The following ATP6V1C2 variants were observed in gnomAD, a reference collection of about 807,000 sequenced individuals.
ATP6V1C2 encodes the protein ATPase H+ transporting V1 subunit C2.
In ATP6V1C2, 45 loss-of-function variants were observed where a neutral mutation model predicts 56.8. That is an observed-to-expected ratio of 0.79 (90% CI 0.62 to 1.02). The LOEUF is 1.02. Among genes scored for constraint, ATP6V1C2 ranks in the 50% least tolerant of loss-of-function variants. The pLI, the probability that ATP6V1C2 is intolerant of heterozygous loss-of-function variation, is 0.00. For synonymous variants in ATP6V1C2, 220 were observed against 201.3 expected (o/e 1.09, Z -0.79); for missense variants, 463 against 519.7 (o/e 0.89, Z 1.06).
chr2:10,748,905 G>A (rs1663062769), intron 3 of ATP6V1C2, among the ~76,000 whole-genome samples: 1 of 151,940 alleles, frequency 6.6e-6, no homozygotes, highest in African/African-American at 2.4e-5. Context: ...CGAGTGGGTG[G>A]ATTGCCTGAG....
At chr2:10,779,906 G>A (rs192838890) in intron 12 of ATP6V1C2, among the ~76,000 whole-genome samples, 59 of 152,106 alleles carry the variant, frequency 3.9e-4, no homozygotes, top group Admixed American at 9.8e-4. Context: ...AAACGCCTTC[G>A]AAGGCCGCTT....
chr2:10,752,850 G>A (rs944745694), intron 3 of ATP6V1C2, among the ~76,000 whole-genome samples: 2 of 152,050 alleles, frequency 1.3e-5, no homozygotes, highest in African/African-American at 4.8e-5. Context: ...ACAAAAATTA[G>A]CTGGGTGTCG....
chr2:10,769,585 T>G (rs1279930218), intron 6 of ATP6V1C2, among the ~76,000 whole-genome samples: 1 of 152,160 alleles, frequency 6.6e-6, no homozygotes, highest in Non-Finnish European at 1.5e-5. Flanking sequence ...GCATCTGTAC[T>G]TCTAGCTACT....
intron 3 of ATP6V1C2, among the ~76,000 whole-genome samples, chr2:10,733,966 G>A (rs1421894571): frequency 2.0e-5 from 3 of 152,152 alleles, no homozygotes; most frequent in Admixed American, 6.6e-5. Context: ...TTAGTGATAC[G>A]TGTGAGTCAG....
Position 10,783,142 on chromosome 2 carries a change from C to T in ATP6V1C2, c.1195-32C>T, listed in dbSNP as rs7560967. Reference sequence around the variant, plus strand: ...GGATAAGACAGGAAACTAGTTTATGCACTTAGAGCATTACCATGTCTTCTT... The same window carrying T: ...GGATAAGACAGGAAACTAGTTTATGTACTTAGAGCATTACCATGTCTTCTT... On this transcript the variant is annotated intron_variant, in intron 13 of 13. Coordinates refer to ENST00000272238, the MANE Select transcript of ATP6V1C2 (RefSeq NM_001039362.2). 5,424 of 1,530,410 alleles carry T rather than the reference C, an allele frequency of 3.5e-3. 170 individuals carry two copies. The African/African-American group carries it at 0.065, about 18-fold the overall frequency. 94.8% of individuals were successfully genotyped at this position (1,530,410 alleles called of 1,614,324 possible).
chr2:10,755,272 G>A (rs1663485475), intron 4 of ATP6V1C2, among the ~76,000 whole-genome samples: 1 of 150,796 alleles, frequency 6.6e-6, no homozygotes, highest in South Asian at 2.1e-4. Flanking sequence ...CTGACCTCAG[G>A]TGATCCGCCC....
chr2:10,783,243 G>T lies in ATP6V1C2; in HGVS notation c.1264G>T (p.Asp422Tyr). Residue 422 changes from aspartate (D) to tyrosine (Y), a missense_variant, in exon 14 of 14, where the codon GAC (aspartate) becomes TAC (tyrosine). Transcript: ENST00000272238. The stretch of plus-strand genomic sequence containing the variant: ...TTTTCCTTATGTCTACTTCCATATT[G>T]ACCTTAGTCTTCTTGACTAGAAAGG... ...DYFPYVYFHI[D>Y]LSLLD is the part of the protein sequence containing the mutation. 1 of 1,613,414 alleles carries T rather than the reference G, an allele frequency of 6.2e-7. No individual in the cohort carries two copies. The highest frequency in any genetic ancestry group is 1.1e-5 in the South Asian group (1 of 91,016).
intron 3 of ATP6V1C2, among the ~76,000 whole-genome samples, chr2:10,730,324 C>CAGGCT (rs1027919626): frequency 2.6e-5 from 4 of 152,096 alleles, no homozygotes; most frequent in African/African-American, 9.7e-5. Flanking sequence ...CCATGTTGGG[C>CAGGCT]AGGCTGGTCT....
At chr2:10,752,928 G>A (rs565583020) in intron 3 of ATP6V1C2, among the ~76,000 whole-genome samples, 6 of 152,240 alleles carry the variant, frequency 3.9e-5, no homozygotes, top group East Asian at 1.9e-4. Flanking sequence ...CCCGGGAGGC[G>A]GAGGTTGCAG....
chr2:10,732,975 A>AAAAG (rs1553324488), intron 3 of ATP6V1C2, among the ~76,000 whole-genome samples: 2,194 of 152,036 alleles, frequency 0.014, 55 homozygotes, highest in African/African-American at 0.051. Context: ...CTCAAAAAAA[A>AAAAG]AAAAAGAAAA....
At chr2:10,772,712 A>G in intron 8 of ATP6V1C2, 102 bp downstream of exon 8, 1 of 1,006,872 alleles carries the variant, frequency 9.9e-7, no homozygotes, top group Non-Finnish European at 1.6e-6. Context: ...GAGGCTCCCC[A>G]GCTTTCCACA....
At chr2:10,777,204 G>A (rs982107820) in intron 10 of ATP6V1C2, among the ~76,000 whole-genome samples, 2 of 152,206 alleles carry the variant, frequency 1.3e-5, no homozygotes, top group Non-Finnish European at 1.5e-5. Flanking sequence ...TCTGTGGCTG[G>A]GCATGGTGGA....
chr2:10,777,801 C>T (rs972380737), intron 11 of ATP6V1C2, 79 bp downstream of exon 11: 5 of 1,503,198 alleles, frequency 3.3e-6, no homozygotes, highest in African/African-American at 2.8e-5. Context: ...GAAAATGAAT[C>T]CTTGCATTTT....
At chr2:10,732,254 ACTCTTTCT>A (rs1435450486) in intron 3 of ATP6V1C2, among the ~76,000 whole-genome samples, 1 of 137,752 alleles carries the variant, frequency 7.3e-6, no homozygotes, top group South Asian at 2.3e-4. Flanking sequence ...TCTTTCTCTC[ACTCTTTCT>A]CTCTTTCTTT....
chr2:10,732,268 T>C (rs1421624722), intron 3 of ATP6V1C2, among the ~76,000 whole-genome samples: 2 of 152,032 alleles, frequency 1.3e-5, no homozygotes, highest in African/African-American at 2.4e-5. Context: ...TTTCTCTCTT[T>C]CTTTCTTTTT....
At chr2:10,767,631 T>G (rs2148487517) in intron 5 of ATP6V1C2, among the ~76,000 whole-genome samples, 1 of 152,230 alleles carries the variant, frequency 6.6e-6, no homozygotes, top group Admixed American at 6.5e-5. Context: ...CCACTTTTTG[T>G]ATTTTTAGTA....
intron 3 of ATP6V1C2, among the ~76,000 whole-genome samples, chr2:10,727,792 C>T (rs188234611): frequency 2.8e-5 from 4 of 142,366 alleles, no homozygotes; most frequent in East Asian, 2.1e-4. Context: ...CTAGCTACTC[C>T]GGAGGCTGAG....
chr2:10,740,896 A>G (rs1193430647), intron 3 of ATP6V1C2, among the ~76,000 whole-genome samples: 1 of 152,334 alleles, frequency 6.6e-6, no homozygotes, highest in Middle Eastern at 3.4e-3. Context: ...CATGTTGGCC[A>G]GGCTGGTCTC....
intron 3 of ATP6V1C2, among the ~76,000 whole-genome samples, chr2:10,753,205 CTT>C (rs1663320032): frequency 6.6e-6 from 1 of 152,152 alleles, no homozygotes; most frequent in Admixed American, 6.5e-5. Flanking sequence ...AGGAAAAACA[CTT>C]TCACGTCGTC....
Sources: allele counts gnomAD v4.1 joint callset (sites outside exome capture counted in the v4.1 genomes callset), GRCh38; gene constraint gnomAD v4.1.1; transcripts MANE v1.5; gene names NCBI Gene and HGNC (gene_info 2026-07-23, HGNC 2026-07-21).